The following LRRC36 variants were observed in gnomAD, a reference collection of about 807,000 sequenced individuals.
LRRC36 encodes the protein leucine rich repeat containing 36.
LRRC36 carries 62 observed loss-of-function variants against 81.1 expected under a neutral mutation model. The observed-to-expected ratio is 0.76, with a 90% confidence interval of 0.62 to 0.94. LRRC36 has a LOEUF of 0.94. Among genes scored for constraint, LRRC36 ranks in the 40% least tolerant of loss-of-function variants. The pLI, the probability that LRRC36 is intolerant of heterozygous loss-of-function variation, is 0.00. For missense variants in LRRC36, 761 were observed against 881.7 expected (o/e 0.86, Z 1.73); for synonymous variants, 334 against 348.6 (o/e 0.96, Z 0.47).
At chr16:67,350,693 G>A (rs1441928617) in intron 5 of LRRC36, among the ~76,000 whole-genome samples, 2 of 152,128 alleles carry the variant, frequency 1.3e-5, no homozygotes, top group African/African-American at 4.8e-5. Context: ...ATATTACTGG[G>A]GAATGTTTAC....
At position 67,347,515 on chromosome 16, in the gene LRRC36, G is replaced by A. The variant is rs1418685393; in HGVS notation, c.412G>A (p.Gly138Ser). ...EKLDDRTVREGERKAAKLHFS... is the reference protein window; with the variant it reads ...EKLDDRTVRESERKAAKLHFS... ...TCCAGATGACCGAACTGTACGTGAA[G>A]GTGAGAGAAAAGCTGCCAAGCTGCA... is the stretch of plus-strand genomic sequence containing the variant. The change falls in exon 4 of 14, where the codon GGT becomes AGT. Residue 138 changes from glycine to serine, a missense_variant. Transcript: ENST00000329956. The A allele has an allele frequency of 1.2e-6, 2 of 1,613,316 alleles. No homozygotes were observed. The highest frequency in any genetic ancestry group is 1.7e-5 in the Admixed American group (1 of 60,008).
chr16:67,372,338 C>G (rs1284407531), intron 9 of LRRC36, among the ~76,000 whole-genome samples: 3 of 150,328 alleles, frequency 2.0e-5, no homozygotes. Flanking sequence ...GCCTAGGCAA[C>G]AGAGTGAGAC....
rs185104375 is a variant in LRRC36, at chr16:67,332,306, C to T, written c.70+5374C>T. 1.6e-3 allele frequency among the ~76,000 whole-genome samples: 247 copies of T among 152,328 alleles called. 3 individuals carry two copies. The highest frequency in any genetic ancestry group is 5.7e-3 in the African/African-American group (236 of 41,568). On this transcript the variant is annotated intron_variant, in intron 1 of 13. Coordinates refer to ENST00000329956, the MANE Select transcript of LRRC36 (RefSeq NM_018296.6). ...CGGTGGCTTACGCCTGTAATCCCAG[C>T]ACTTTGGGAGGCTGAGGAGGGCGAA...
intron 5 of LRRC36, among the ~76,000 whole-genome samples, chr16:67,360,135 A>G (rs2142075580): frequency 6.6e-6 from 1 of 152,198 alleles, no homozygotes; most frequent in East Asian, 1.9e-4. Context: ...TCAAAAAAAA[A>G]AAAAAGAAAA....
rs1567470070 is a variant in LRRC36, at chr16:67,340,989, A to AC, written c.71-968_71-967insC. On this transcript the variant is annotated intron_variant, in intron 1 of 13. Transcript: ENST00000329956. ...ATATTCTATAGAATATAGAATATGTATATTATATATAGAATATGTATTCTA... is the reference window on the plus strand; with the variant it reads ...ATATTCTATAGAATATAGAATATGTACTATTATATATAGAATATGTATTCTA... Among the ~76,000 whole-genome samples the AC allele has an allele frequency of 8.1e-3, 1,032 of 127,838 alleles. 350 individuals carry two copies. Among genetic ancestry groups the AC allele is most frequent in the African/African-American group, 0.036 (977 of 27,282 alleles). 83.9% of individuals were successfully genotyped at this position (127,838 alleles called of 152,430 possible).
At chr16:67,352,089 T>C (rs1203230821) in intron 5 of LRRC36, among the ~76,000 whole-genome samples, 1 of 152,238 alleles carries the variant, frequency 6.6e-6, no homozygotes, top group South Asian at 2.1e-4. Flanking sequence ...ATTACTTCAT[T>C]AACACAATTA....
chr16:67,355,575 T>C (rs912190874), intron 5 of LRRC36, among the ~76,000 whole-genome samples: 2 of 151,740 alleles, frequency 1.3e-5, no homozygotes, highest in African/African-American at 2.4e-5. Context: ...GGGGTTTCAC[T>C]GTTTTAGCCG....
intron 1 of LRRC36, among the ~76,000 whole-genome samples, chr16:67,329,966 G>C (rs535240098): frequency 6.6e-6 from 1 of 152,242 alleles, no homozygotes; most frequent in South Asian, 2.1e-4. Context: ...TATTGCAATT[G>C]GTTGATGTAT....
chr16:67,371,484 T>A (rs1402920086), intron 9 of LRRC36: 1 of 535,606 alleles, frequency 1.9e-6, no homozygotes, highest in African/African-American at 1.9e-5. Flanking sequence ...CCTGATCTAC[T>A]TCCGGCTGAA....
At chr16:67,343,425 G>A (rs908610083) in intron 2 of LRRC36, among the ~76,000 whole-genome samples, 12 of 152,016 alleles carry the variant, frequency 7.9e-5, no homozygotes, top group African/African-American at 2.2e-4. Flanking sequence ...GTCTGGTCAC[G>A]GTGGCTCATG....
At chr16:67,330,227 G>A (rs1205454693) in intron 1 of LRRC36, among the ~76,000 whole-genome samples, 2 of 151,710 alleles carry the variant, frequency 1.3e-5, no homozygotes, top group African/African-American at 4.8e-5. Flanking sequence ...GTATGTTTAT[G>A]TTAGGAAGTA....
intron 1 of LRRC36, among the ~76,000 whole-genome samples, chr16:67,336,238 C>G (rs1024648096): frequency 6.6e-6 from 1 of 152,172 alleles, no homozygotes; most frequent in Non-Finnish European, 1.5e-5. Context: ...ATCCATTTAC[C>G]TATTGAAGGA....
At chr16:67,365,234 CCTAGT>C (rs2039329904) in intron 6 of LRRC36, 65 bp from the exon 7 acceptor site, 4 of 930,054 alleles carry the variant, frequency 4.3e-6, no homozygotes, top group Non-Finnish European at 6.9e-6. Flanking sequence ...ATTCTGAACC[CCTAGT>C]CTAATAAGCT....
chr16:67,335,196 G>C (rs1171593207), intron 1 of LRRC36, among the ~76,000 whole-genome samples: 1 of 152,160 alleles, frequency 6.6e-6, no homozygotes, highest in Non-Finnish European at 1.5e-5. Context: ...CGGGAGACCG[G>C]GGCTTATTTC....
At chr16:67,376,172 G>A (rs141354606) in intron 10 of LRRC36, among the ~76,000 whole-genome samples, 1 of 152,132 alleles carries the variant, frequency 6.6e-6, no homozygotes, top group Non-Finnish European at 1.5e-5. Flanking sequence ...GCCAGGCGTA[G>A]TGGTGTGCGC....
intron 7 of LRRC36, among the ~76,000 whole-genome samples, chr16:67,365,703 AATG>A (rs1418436220): frequency 1.3e-5 from 2 of 152,074 alleles, no homozygotes; most frequent in Admixed American, 6.5e-5. Context: ...TTATTCCCCA[AATG>A]ATAATATGTA....
intron 2 of LRRC36, among the ~76,000 whole-genome samples, chr16:67,345,782 A>AC: frequency 6.7e-6 from 1 of 150,044 alleles, no homozygotes; most frequent in East Asian, 2.0e-4. Flanking sequence ...ACACACACAC[A>AC]CTTTTTTTTT....
intron 6 of LRRC36, 108 bp from the exon 7 acceptor site, chr16:67,365,196 G>A: frequency 1.5e-6 from 1 of 660,688 alleles, no homozygotes; most frequent in Non-Finnish European, 2.7e-6. Context: ...TAGCTTGCAA[G>A]GATAGTCTTT....
rs762093045 is a variant in LRRC36 at position 67,375,276 on chromosome 16, C to T, written c.1524C>T (p.His508=). 1.4e-5 allele frequency: 23 copies of T among 1,612,464 alleles called. No homozygotes were observed. Among genetic ancestry groups the T allele is most frequent in the African/African-American group, 5.4e-5 (4 of 74,584 alleles). The part of the protein sequence containing the change: ...EPLSSDLGSL[H]GLAGNHSPPI... Reference sequence around the variant, plus strand: ...TCTCTAGTGACCTGGGTAGTTTGCACGGTTTGGCTGGAAACCACAGTCCCC... The same window carrying T: ...TCTCTAGTGACCTGGGTAGTTTGCATGGTTTGGCTGGAAACCACAGTCCCC... The change falls in exon 10 of 14, where the codon CAC becomes CAT. Residue 508 remains histidine, a synonymous_variant. Coordinates refer to ENST00000329956, the MANE Select transcript of LRRC36 (RefSeq NM_018296.6).
Sources: gnomAD v4.1 joint callset for allele counts (sites outside exome capture counted in the v4.1 genomes callset) on GRCh38, gnomAD v4.1.1 for gene constraint, MANE v1.5 for transcripts, NCBI Gene and HGNC (gene_info 2026-07-23, HGNC 2026-07-21) for gene names.